NCOA3: variants seen among roughly 807,000 people sequenced by gnomAD.
The protein encoded by NCOA3 is nuclear receptor coactivator 3.
In NCOA3, 51 loss-of-function variants were observed where a neutral mutation model predicts 158.8. The ratio of observed to expected loss-of-function variants is 0.32; its 90% confidence interval spans 0.26 to 0.41. The LOEUF (loss-of-function observed/expected upper bound fraction) is 0.41. Ranked by LOEUF, NCOA3 falls within the 10% of genes least tolerant of loss-of-function variation. NCOA3 has a pLI of 1.00. For missense variants in NCOA3, 1,510 were observed against 1,746.6 expected (o/e 0.86, Z 2.41); for synonymous variants, 537 against 592.4 (o/e 0.91, Z 1.36).
intron 1 of NCOA3, among the ~76,000 whole-genome samples, chr20:47,540,556 G>A (rs2084707054): frequency 7.4e-6 from 1 of 135,384 alleles, no homozygotes; most frequent in Admixed American, 8.0e-5. Flanking sequence ...TGGGCAACAA[G>A]AGTGAAACTC....
At chr20:47,650,844 C>T in intron 19 of NCOA3, 138 bp from the exon 20 acceptor site, 1 of 814,580 alleles carries the variant, frequency 1.2e-6, no homozygotes, top group Admixed American at 2.4e-5. Context: ...GCCTGGGCGA[C>T]AGAGTGAGAC....
chr20:47,622,131 C>T (rs1177765575), intron 2 of NCOA3, 98 bp from the exon 3 acceptor site: 1 of 604,998 alleles, frequency 1.7e-6, no homozygotes, highest in Non-Finnish European at 2.9e-6. Context: ...GAAAGTAGTT[C>T]TGAATTAAAA....
chr20:47,502,314 G>A (rs537915772), intron 1 of NCOA3, among the ~76,000 whole-genome samples: 52 of 152,248 alleles, frequency 3.4e-4, no homozygotes, highest in African/African-American at 1.2e-3. Flanking sequence ...GGAGTTTGCG[G>A]GGGGACTGCA....
At chr20:47,568,675 A>T (rs2085239843) in intron 1 of NCOA3, among the ~76,000 whole-genome samples, 1 of 152,064 alleles carries the variant, frequency 6.6e-6, no homozygotes, top group South Asian at 2.1e-4. Context: ...GTGTGCCGGT[A>T]ATCCCAGCCA....
At chr20:47,554,779 TGCCC>T (rs1259726343) in intron 1 of NCOA3, among the ~76,000 whole-genome samples, 1 of 152,118 alleles carries the variant, frequency 6.6e-6, no homozygotes. Context: ...AAGGCCATAC[TGCCC>T]AAGGTAATTT....
chr20:47,537,317 A>G (rs189922280), intron 1 of NCOA3, among the ~76,000 whole-genome samples: 1 of 151,864 alleles, frequency 6.6e-6, no homozygotes, highest in East Asian at 1.9e-4. Flanking sequence ...TTATCAGAGA[A>G]GTAAATTGAG....
At chr20:47,534,116 C>CG (rs1437814612) in intron 1 of NCOA3, among the ~76,000 whole-genome samples, 1 of 57,536 alleles carries the variant, frequency 1.7e-5, no homozygotes, top group East Asian at 5.5e-4. Context: ...GTGGGGGGGG[C>CG]GGGGGGTGAA....
chr20:47,548,403 G>C (rs956646096), intron 1 of NCOA3, among the ~76,000 whole-genome samples: 5 of 151,848 alleles, frequency 3.3e-5, no homozygotes, highest in African/African-American at 1.2e-4. Context: ...AATTAGCTGG[G>C]CATGGTGGCA....
At position 47,628,026 on chromosome 20, in the gene NCOA3, A is replaced by G. The variant is rs779578627; in HGVS notation, c.823+3A>G. 8 of 1,608,648 alleles carry G rather than the reference A, an allele frequency of 5.0e-6. No individual in the cohort carries two copies. The Admixed American group carries it at 8.3e-5, about 17-fold the overall frequency. On this transcript the variant is annotated splice_donor_region_variant and intron_variant, in intron 8 of 22. Coordinates refer to ENST00000371998, the MANE Select transcript of NCOA3 (RefSeq NM_181659.3). ...TATTACCAGACATGATCTTTCAGGT[A>G]AAAACTCTTTTTTTGTCTCTCTCTC...
In NCOA3 at chr20:47,604,449, T is replaced by C. The variant is rs188591641; in HGVS notation, c.-19-17780T>C. 4.3e-3 allele frequency among the ~76,000 whole-genome samples: 654 copies of C among 152,356 alleles called. 1 individual carries two copies. Among genetic ancestry groups the C allele is most frequent in the Non-Finnish European group, 6.1e-3 (418 of 68,034 alleles). On this transcript the variant is annotated intron_variant, in intron 2 of 22. Transcript: ENST00000371998. ...AGGAATTAACCTTGTCTATTGATTC[T>C]TGGTTTCAGACAAGTATCCCATGTC...
rs895067448 is a variant in NCOA3 at position 47,654,611 on chromosome 20, T to C, written c.*1194T>C. 1.3e-5 allele frequency: 2 copies of C among 152,596 alleles called. No individual in the cohort carries two copies. Among genetic ancestry groups the C allele is most frequent in the African/African-American group, 4.8e-5 (2 of 41,432 alleles). 9.5% of individuals were successfully genotyped at this position (152,596 alleles called of 1,614,324 possible). A position where few individuals can be genotyped will look rare whatever the true frequency, so the allele number is the denominator to read the frequency against. ...TCCTTCCCCACCCCCCAGCCTTAGATGCCTCGCTCTTTTCAATCTCTTAAT... is the reference window on the plus strand; with the variant it reads ...TCCTTCCCCACCCCCCAGCCTTAGACGCCTCGCTCTTTTCAATCTCTTAAT... On this transcript the variant is annotated 3_prime_UTR_variant, in exon 23 of 23. Coordinates refer to ENST00000371998, the MANE Select transcript of NCOA3 (RefSeq NM_181659.3).
chr20:47,553,560 C>T (rs536603086), intron 1 of NCOA3, among the ~76,000 whole-genome samples: 46 of 142,856 alleles, frequency 3.2e-4, no homozygotes, highest in Non-Finnish European at 5.6e-4. Flanking sequence ...TCCCCCCACC[C>T]ACAACAGTCC....
rs540987705 is a variant in NCOA3 at position 47,567,271 on chromosome 20, C to G, written c.-98-15912C>G. ...CCATGTTGGTCAGGATGGTCTTGAT[C>G]TCTTGACCTTGTGATCCCCCCGCCT... On this transcript the variant is annotated intron_variant, in intron 1 of 22. Transcript: ENST00000371998. 1.1e-4 allele frequency among the ~76,000 whole-genome samples: 16 copies of G among 152,202 alleles called. No homozygotes were observed. The South Asian group carries it at 3.1e-3, about 30-fold the overall frequency.
chr20:47,593,929 A>G (rs1313357399), intron 2 of NCOA3, among the ~76,000 whole-genome samples: 1 of 152,182 alleles, frequency 6.6e-6, no homozygotes, highest in Non-Finnish European at 1.5e-5. Flanking sequence ...TTTGAAATTA[A>G]ATTTCTAAAG....
At chr20:47,642,637 A>T (rs1341567839) in intron 17 of NCOA3, among the ~76,000 whole-genome samples, 1 of 152,228 alleles carries the variant, frequency 6.6e-6, no homozygotes, top group African/African-American at 2.4e-5. Context: ...AATTGTAGAA[A>T]TGATTTAGTT....
chr20:47,603,369 C>T (rs150374708), intron 2 of NCOA3, among the ~76,000 whole-genome samples: 2 of 152,362 alleles, frequency 1.3e-5, no homozygotes, highest in African/African-American at 2.4e-5. Context: ...GAGGAGCATG[C>T]GTGCAGGCAG....
At chr20:47,632,769 G>A (rs1163872522) in intron 8 of NCOA3, among the ~76,000 whole-genome samples, 4 of 150,784 alleles carry the variant, frequency 2.7e-5, no homozygotes, top group African/African-American at 7.3e-5. Flanking sequence ...TGCAACCTCC[G>A]CCTGCCAGGT....
chr20:47,526,234 A>G lies in NCOA3; in HGVS notation c.-99+24215A>G, dbSNP rs1180166085. On this transcript the variant is annotated intron_variant, in intron 1 of 22. Transcript: ENST00000371998. ...CGGGAAGAGGCGCTCCTCACTTCCT[A>G]GATGGCATGGTGGCCGGGCAGAGAC... Among the ~76,000 whole-genome samples the G allele has an allele frequency of 3.3e-5, 5 of 149,612 alleles. No homozygotes were observed. The East Asian group carries it at 1.0e-3, about 30-fold the overall frequency.
chr20:47,542,425 A>C (rs748661785), intron 1 of NCOA3, among the ~76,000 whole-genome samples: 1 of 151,776 alleles, frequency 6.6e-6, no homozygotes, highest in Non-Finnish European at 1.5e-5. Flanking sequence ...CTCTCTCTCT[A>C]TTTTTAAAAT....
Sources: allele counts gnomAD v4.1 joint callset (sites outside exome capture counted in the v4.1 genomes callset), GRCh38; gene constraint gnomAD v4.1.1; transcripts MANE v1.5; gene names NCBI Gene and HGNC (gene_info 2026-07-23, HGNC 2026-07-21).